Variants in SLIT3 observed in about 807,000 individuals in gnomAD.
The protein encoded by SLIT3 is slit homolog 3 protein.
SLIT3 carries 68 observed loss-of-function variants against 184.0 expected under a neutral mutation model. The ratio of observed to expected loss-of-function variants is 0.37; its 90% confidence interval spans 0.30 to 0.45. SLIT3 has a LOEUF of 0.45. Ranked by LOEUF, SLIT3 falls within the 20% of genes least tolerant of loss-of-function variation. SLIT3 has a pLI of 1.00. For synonymous variants in SLIT3, 831 were observed against 828.6 expected, an observed-to-expected ratio of 1.00 and a Z score of -0.05; for missense variants, 1,707 against 2,026.0, an observed-to-expected ratio of 0.84 and a Z score of 3.02.
At chr5:168,877,103 T>G (rs1759758691) in intron 5 of SLIT3, among the ~76,000 whole-genome samples, 1 of 152,194 alleles carries the variant, frequency 6.6e-6, no homozygotes, top group Non-Finnish European at 1.5e-5. Context: ...AGGATATCTG[T>G]GTACACAGGT....
chr5:169,046,728 T>C (rs571778386), intron 4 of SLIT3, among the ~76,000 whole-genome samples: 14 of 152,214 alleles, frequency 9.2e-5, no homozygotes, highest in Non-Finnish European at 1.8e-4. Context: ...CTATCTTCCT[T>C]CATTGCTGAG....
At chr5:169,049,701 G>A (rs528226865) in intron 4 of SLIT3, among the ~76,000 whole-genome samples, 10 of 152,314 alleles carry the variant, frequency 6.6e-5, no homozygotes, top group African/African-American at 2.4e-4. Flanking sequence ...TAGCGGTAAG[G>A]ACAAGTGACA....
rs1756871053 is a variant in SLIT3, at chr5:168,804,205, G to A, written c.935+2241C>T. Among the ~76,000 whole-genome samples the A allele has an allele frequency of 1.3e-5, 2 of 150,110 alleles. 1 individual carries two copies. The highest frequency in any genetic ancestry group is 4.3e-4 in the South Asian group (2 of 4,684). ...GCACCTATAATCCCAGCTACTTTGG[G>A]AGGCTGAGGCAGGAGAATCGCTTGA... is the stretch of plus-strand genomic sequence containing the variant. On this transcript the variant is annotated intron_variant, in intron 9 of 35. Transcript: ENST00000519560.
At chr5:168,789,523 T>A (rs765897260) in intron 11 of SLIT3, 37 bp downstream of exon 11, 5 of 1,534,916 alleles carry the variant, frequency 3.3e-6, no homozygotes, top group Non-Finnish European at 2.7e-6. Context: ...GCGCCCCCCC[T>A]CCCCTCACCT....
intron 4 of SLIT3, among the ~76,000 whole-genome samples, chr5:168,938,606 G>A (rs1023059481): frequency 6.6e-6 from 1 of 152,026 alleles, no homozygotes; most frequent in Non-Finnish European, 1.5e-5. Flanking sequence ...TTCCCCTTCT[G>A]CCTTATCCTT....
intron 1 of SLIT3, among the ~76,000 whole-genome samples, chr5:169,266,187 A>C (rs1429256399): frequency 6.6e-6 from 1 of 152,164 alleles, no homozygotes; most frequent in Non-Finnish European, 1.5e-5. Context: ...TGCATAGGAG[A>C]GCACATGATA....
At chr5:168,842,713 C>G (rs1403099179) in intron 6 of SLIT3, among the ~76,000 whole-genome samples, 2 of 152,222 alleles carry the variant, frequency 1.3e-5, no homozygotes, top group East Asian at 3.9e-4. Flanking sequence ...AAAGCCCTCT[C>G]TTCTCCCTCA....
chr5:168,807,489 T>C (rs532247049), intron 8 of SLIT3, among the ~76,000 whole-genome samples: 2 of 152,308 alleles, frequency 1.3e-5, no homozygotes, highest in Admixed American at 1.3e-4. Flanking sequence ...TGGTTAGCTT[T>C]CCAAATGTGG....
At chr5:169,262,789 T>G (rs186777429) in intron 1 of SLIT3, among the ~76,000 whole-genome samples, 4 of 152,334 alleles carry the variant, frequency 2.6e-5, no homozygotes, top group Admixed American at 2.0e-4. Flanking sequence ...ATCCAGGAAC[T>G]GTGCTAGGCA....
chr5:168,780,314 A>G (rs1376612804), intron 12 of SLIT3, among the ~76,000 whole-genome samples: 1 of 152,240 alleles, frequency 6.6e-6, no homozygotes, highest in Admixed American at 6.5e-5. Context: ...AGGAGAATGG[A>G]TGAAGCTCTT....
chr5:169,049,499 C>T (rs1757743866), intron 4 of SLIT3, among the ~76,000 whole-genome samples: 1 of 152,144 alleles, frequency 6.6e-6, no homozygotes, highest in South Asian at 2.1e-4. Flanking sequence ...GCTACATAAA[C>T]AAGAAAGACC....
intron 4 of SLIT3, among the ~76,000 whole-genome samples, chr5:169,158,489 A>G (rs1762378825): frequency 6.6e-6 from 1 of 152,192 alleles, no homozygotes; most frequent in African/African-American, 2.4e-5. Flanking sequence ...AAAATCCTCT[A>G]AACAAAAAGA....
At chr5:168,932,049 G>T (rs10075813) in intron 4 of SLIT3, among the ~76,000 whole-genome samples, 2,965 of 152,256 alleles carry the variant, frequency 0.019, 109 homozygotes, top group African/African-American at 0.068. Flanking sequence ...GGATGGTGGT[G>T]TCAAACATGG....
At chr5:168,899,734 A>G (rs1760801986) in intron 4 of SLIT3, among the ~76,000 whole-genome samples, 1 of 152,336 alleles carries the variant, frequency 6.6e-6, no homozygotes, top group East Asian at 1.9e-4. Flanking sequence ...TTTCACAAAT[A>G]TATTTAAAAT....
At chr5:168,737,614 G>T (rs1763481066) in intron 20 of SLIT3, among the ~76,000 whole-genome samples, 1 of 152,132 alleles carries the variant, frequency 6.6e-6, no homozygotes, top group African/African-American at 2.4e-5. Flanking sequence ...CAAGTTATAG[G>T]ACAACAAATC....
intron 4 of SLIT3, among the ~76,000 whole-genome samples, chr5:169,181,908 C>T (rs943685152): frequency 6.6e-6 from 1 of 152,030 alleles, no homozygotes; most frequent in African/African-American, 2.4e-5. Context: ...GCATTTTGAC[C>T]TCCAAAAGTC....
chr5:169,148,634 TGTC>T (rs1301101001), intron 4 of SLIT3, among the ~76,000 whole-genome samples: 12 of 152,254 alleles, frequency 7.9e-5, no homozygotes, highest in Middle Eastern at 3.2e-3. Context: ...GTTCTGTGGC[TGTC>T]GTCATCTCGC....
At chr5:169,028,799 C>T (rs1001983760) in intron 4 of SLIT3, among the ~76,000 whole-genome samples, 2 of 152,150 alleles carry the variant, frequency 1.3e-5, no homozygotes, top group African/African-American at 4.8e-5. Context: ...CACATGGTAA[C>T]CTAGAGGCAA....
intron 16 of SLIT3, among the ~76,000 whole-genome samples, chr5:168,754,718 C>A (rs1009408961): frequency 3.9e-5 from 6 of 152,120 alleles, no homozygotes; most frequent in Non-Finnish European, 7.4e-5. Flanking sequence ...ATGCATGTAT[C>A]AAAATATCAC....
Sources: gnomAD v4.1 joint callset for allele counts (sites outside exome capture counted in the v4.1 genomes callset) on GRCh38, gnomAD v4.1.1 for gene constraint, MANE v1.5 for transcripts, NCBI Gene and HGNC (gene_info 2026-07-23, HGNC 2026-07-21) for gene names.